The following SEM1 variants were observed in gnomAD, a reference collection of about 807,000 sequenced individuals.
SEM1 encodes the protein SEM1 26S proteasome subunit.
SEM1 carries 3 observed loss-of-function variants against 12.7 expected under a neutral mutation model. The observed-to-expected ratio is 0.24, with a 90% CI of 0.11 to 0.61. The LOEUF (loss-of-function observed/expected upper bound fraction) is 0.61, where lower values mean the gene tolerates loss of function less well. Among genes scored for constraint, SEM1 ranks in the 20% least tolerant of loss-of-function variants. The pLI is 0.88. For missense variants in SEM1, 59 were observed against 81.3 expected, an observed-to-expected ratio of 0.73 and a Z score of 1.06; for synonymous variants, 30 against 27.8, an observed-to-expected ratio of 1.08 and a Z score of -0.25.
chr7:96,597,913 C>T (rs1807056330), intron 2 of SEM1, among the ~76,000 whole-genome samples: 1 of 152,064 alleles, frequency 6.6e-6, no homozygotes, highest in African/African-American at 2.4e-5. Context: ...ATATAGTTCT[C>T]ACCTACTTTA....
chr7:96,550,016 T>G (rs1483178651), intron 2 of SEM1, among the ~76,000 whole-genome samples: 1 of 152,132 alleles, frequency 6.6e-6, no homozygotes, highest in African/African-American at 2.4e-5. Flanking sequence ...AACATGGGAT[T>G]GTTGGAAGCT....
chr7:96,529,642 G>C (rs182493359), intron 2 of SEM1, among the ~76,000 whole-genome samples: 7 of 152,148 alleles, frequency 4.6e-5, no homozygotes, highest in Admixed American at 2.0e-4. Context: ...AGTTCTTGAA[G>C]AAGGGTTCTC....
At chr7:96,509,569 C>T (rs1803867452) in intron 2 of SEM1, among the ~76,000 whole-genome samples, 1 of 152,088 alleles carries the variant, frequency 6.6e-6, no homozygotes, top group Non-Finnish European at 1.5e-5. Flanking sequence ...ATTGTCTCAA[C>T]AACCTAAACT....
In SEM1 at chr7:96,700,748, A is replaced by C. The variant is rs572433453; in HGVS notation, c.77-5857T>G. On this transcript the variant is annotated intron_variant, in intron 1 of 2. Transcript: ENST00000248566. Reference sequence around the variant, plus strand: ...GCTTGCTCATTCCATAGAACCAATGAAATAGCTAACCAAATAGTTTTTCAA... The same window carrying C: ...GCTTGCTCATTCCATAGAACCAATGCAATAGCTAACCAAATAGTTTTTCAA... 2.0e-5 allele frequency among the ~76,000 whole-genome samples: 3 copies of C among 152,296 alleles called. No individual in the cohort carries two copies. In the South Asian group the frequency reaches 6.2e-4, roughly 32 times the overall value.
intron 2 of SEM1, chr7:96,622,947 A>C: frequency 3.2e-6 from 1 of 317,410 alleles, no homozygotes; most frequent in Non-Finnish European, 5.8e-6. Context: ...TTTTATTTCA[A>C]TTCACCTGAG....
rs12535889 is a variant in SEM1 at position 96,680,446 on chromosome 7, A to C, written c.171-6587T>G. On this transcript the variant is annotated intron_variant, in intron 2 of 2. Coordinates refer to the SEM1 transcript ENST00000413065. ...ACAAAAAGAGTAACTAAGAGGAGAA[A>C]TACACAATGTTACATTGTAAACAGG... Among the ~76,000 whole-genome samples the C allele has an allele frequency of 4.0e-3, 603 of 152,228 alleles. 9 individuals are homozygous for C. Among genetic ancestry groups the C allele is most frequent in the Non-Finnish European group, 7.0e-3 (477 of 67,996 alleles).
At chr7:96,501,990 G>A (rs1441924649) in intron 3 of SEM1, among the ~76,000 whole-genome samples, 1 of 152,042 alleles carries the variant, frequency 6.6e-6, no homozygotes, top group Non-Finnish European at 1.5e-5. Flanking sequence ...TTTGTTTTCT[G>A]TTCCTGTGTC....
chr7:96,583,031 C>T (rs1456935257), intron 2 of SEM1, among the ~76,000 whole-genome samples: 1 of 152,114 alleles, frequency 6.6e-6, no homozygotes, highest in Non-Finnish European at 1.5e-5. Flanking sequence ...AATGTGTTTG[C>T]TCTTGCTTTT....
At chr7:96,629,359 C>T (rs372440782) in intron 2 of SEM1, among the ~76,000 whole-genome samples, 3 of 151,836 alleles carry the variant, frequency 2.0e-5, no homozygotes, top group Non-Finnish European at 4.4e-5. Context: ...TTTCCTCTAA[C>T]TTTGTATTTT....
chr7:96,510,543 G>A (rs1274763423), intron 2 of SEM1, among the ~76,000 whole-genome samples: 1 of 152,072 alleles, frequency 6.6e-6, no homozygotes, highest in Admixed American at 6.6e-5. Flanking sequence ...GTTCATCACT[G>A]ACCAAAGCAT....
intron 2 of SEM1, among the ~76,000 whole-genome samples, chr7:96,554,161 T>A (rs1340681112): frequency 1.3e-5 from 2 of 149,668 alleles, no homozygotes; most frequent in African/African-American, 2.5e-5. Context: ...TTTGACTTCC[T>A]CTTTTCCTCA....
At chr7:96,564,382 C>T (rs1042383306) in intron 2 of SEM1, among the ~76,000 whole-genome samples, 2 of 151,532 alleles carry the variant, frequency 1.3e-5, no homozygotes, top group African/African-American at 2.4e-5. Flanking sequence ...AAGCTGAAAA[C>T]GTAAGATGGG....
chr7:96,571,608 A>G (rs1806032315), intron 2 of SEM1, among the ~76,000 whole-genome samples: 1 of 151,604 alleles, frequency 6.6e-6, no homozygotes, highest in Non-Finnish European at 1.5e-5. Context: ...ATATATATAT[A>G]CATACATATG....
intron 2 of SEM1, chr7:96,673,886 A>G (rs1460264012): frequency 2.6e-6 from 2 of 762,900 alleles, no homozygotes; most frequent in East Asian, 4.9e-5. Context: ...GTGTAAGCAA[A>G]CTTTTAAGTA....
At chr7:96,592,475 A>G (rs1806859952) in intron 2 of SEM1, among the ~76,000 whole-genome samples, 1 of 152,028 alleles carries the variant, frequency 6.6e-6, no homozygotes, top group African/African-American at 2.4e-5. Context: ...AGATTGTCAT[A>G]TTCTGAAAAT....
chr7:96,556,374 A>G (rs1429718250), intron 2 of SEM1, among the ~76,000 whole-genome samples: 6 of 152,020 alleles, frequency 3.9e-5, no homozygotes, highest in Non-Finnish European at 7.4e-5. Context: ...GAGCTCTTGT[A>G]AGGCAGGCCT....
intron 2 of SEM1, among the ~76,000 whole-genome samples, chr7:96,559,174 A>C (rs964467056): frequency 2.6e-5 from 4 of 152,176 alleles, no homozygotes; most frequent in Non-Finnish European, 4.4e-5. Flanking sequence ...ACTCAAAAAC[A>C]ATTACTGTAA....
chr7:96,521,059 AT>A (rs1263571713), intron 2 of SEM1, among the ~76,000 whole-genome samples: 1 of 152,112 alleles, frequency 6.6e-6, no homozygotes, highest in African/African-American at 2.4e-5. Flanking sequence ...GGGGACGGAC[AT>A]TCCCCTTGGC....
intron 2 of SEM1, among the ~76,000 whole-genome samples, chr7:96,580,954 G>A (rs1806379411): frequency 6.6e-6 from 1 of 152,116 alleles, no homozygotes; most frequent in Non-Finnish European, 1.5e-5. Context: ...CTTTTGCTGT[G>A]CAGAAGCTCT....
Sources: allele counts gnomAD v4.1 joint callset (sites outside exome capture counted in the v4.1 genomes callset), GRCh38; gene constraint gnomAD v4.1.1; transcripts MANE v1.5; gene names NCBI Gene and HGNC (gene_info 2026-07-23, HGNC 2026-07-21).